The following MYRIP variants were observed in gnomAD, a reference collection of about 807,000 sequenced individuals.
The protein encoded by MYRIP is rab effector MyRIP.
Under a neutral mutation model 98.0 loss-of-function variants are expected in MYRIP, and 49 were observed. That is an observed-to-expected ratio of 0.50 (90% CI 0.40 to 0.63). MYRIP has a LOEUF of 0.63. Among genes scored for constraint, MYRIP ranks in the 30% least tolerant of loss-of-function variants. The probability of loss-of-function intolerance (pLI) is 0.00; values close to 1 mark genes in which losing one functional copy is unlikely to be tolerated. For synonymous variants in MYRIP, 404 were observed against 409.5 expected, an observed-to-expected ratio of 0.99 and a Z score of 0.16; for missense variants, 1,004 against 1,058.2, an observed-to-expected ratio of 0.95 and a Z score of 0.71.
At chr3:40,060,275 ACAG>A (rs1947979696) in intron 3 of MYRIP, among the ~76,000 whole-genome samples, 2 of 152,320 alleles carry the variant, frequency 1.3e-5, no homozygotes, top group Middle Eastern at 3.4e-3. Flanking sequence ...TTCAGAGAGG[ACAG>A]CAAGGCAGTG....
chr3:40,179,952 C>T (rs955898520), intron 8 of MYRIP, among the ~76,000 whole-genome samples: 1 of 152,226 alleles, frequency 6.6e-6, no homozygotes, highest in African/African-American at 2.4e-5. Context: ...TGACCACCAT[C>T]CTCAATCTCT....
chr3:39,872,382 A>C (rs1395955304), intron 1 of MYRIP, among the ~76,000 whole-genome samples: 1 of 151,930 alleles, frequency 6.6e-6, no homozygotes, highest in African/African-American at 2.4e-5. Context: ...ACATGTGCAC[A>C]ATGTGCAGGT....
Position 39,886,435 on chromosome 3 carries a change from A to C in MYRIP, c.-30-14352A>C, listed in dbSNP as rs573559376. On this transcript the variant is annotated intron_variant, in intron 1 of 16. Transcript: ENST00000302541. ...CAAGACCCATCAGTGTGCTGTATTC[A>C]GGAAACCCATCTCACGTGCAGAGAC... Among the ~76,000 whole-genome samples, 150 of 149,330 alleles carry C rather than the reference A, an allele frequency of 1.0e-3. 2 individuals carry two copies. Among genetic ancestry groups the C allele is most frequent in the African/African-American group, 3.6e-3 (147 of 40,848 alleles).
chr3:39,925,909 T>G (rs934365227), intron 2 of MYRIP, among the ~76,000 whole-genome samples: 1 of 152,142 alleles, frequency 6.6e-6, no homozygotes, highest in African/African-American at 2.4e-5. Context: ...ACCTCCAAAC[T>G]ACTTTCCACA....
At chr3:39,972,948 T>G (rs1379626406) in intron 2 of MYRIP, among the ~76,000 whole-genome samples, 3 of 151,954 alleles carry the variant, frequency 2.0e-5, no homozygotes, top group Non-Finnish European at 4.4e-5. Flanking sequence ...GTTTTGGAAG[T>G]AGAAATAATA....
At chr3:39,883,480 A>G (rs1349611037) in intron 1 of MYRIP, among the ~76,000 whole-genome samples, 1 of 152,150 alleles carries the variant, frequency 6.6e-6, no homozygotes, top group African/African-American at 2.4e-5. Context: ...ATACTGAGTT[A>G]TCAGACACAG....
intron 3 of MYRIP, among the ~76,000 whole-genome samples, chr3:40,077,065 C>A (rs548807277): frequency 7.2e-5 from 11 of 152,066 alleles, no homozygotes; most frequent in Admixed American, 2.0e-4. Context: ...CTTAAGGTGG[C>A]GCGTCTGGAG....
At chr3:40,125,133 G>A (rs773885303) in intron 3 of MYRIP, among the ~76,000 whole-genome samples, 12 of 152,208 alleles carry the variant, frequency 7.9e-5, no homozygotes, top group Non-Finnish European at 1.6e-4. Context: ...TCCAGTGGAG[G>A]CATGGGGCTT....
intron 2 of MYRIP, among the ~76,000 whole-genome samples, chr3:39,931,283 T>C (rs1250265373): frequency 6.6e-6 from 1 of 152,066 alleles, no homozygotes; most frequent in Non-Finnish European, 1.5e-5. Flanking sequence ...GTATTTTTTT[T>C]CTTTCAATAA....
intron 2 of MYRIP, among the ~76,000 whole-genome samples, chr3:39,996,678 T>C (rs112779556): frequency 0.1 from 15,306 of 152,018 alleles, 1,322 homozygotes; most frequent in African/African-American, 0.23. Flanking sequence ...CTGCACCAAG[T>C]GGACCTAATA....
At chr3:40,080,825 A>G (rs1416246584) in intron 3 of MYRIP, among the ~76,000 whole-genome samples, 1 of 70,792 alleles carries the variant, frequency 1.4e-5, no homozygotes, top group South Asian at 3.6e-4. Context: ...GCTTCCATCT[A>G]CTTTCTTTGG....
At chr3:40,199,630 C>A (rs1282434468) in intron 10 of MYRIP, among the ~76,000 whole-genome samples, 2 of 152,186 alleles carry the variant, frequency 1.3e-5, no homozygotes, top group Non-Finnish European at 2.9e-5. Flanking sequence ...GCCTTAAAAT[C>A]TACTCAGAAC....
rs1418582067 is a variant in MYRIP at position 39,933,934 on chromosome 3, GT to G, written c.110+33010del. On this transcript the variant is annotated intron_variant, in intron 2 of 16. Transcript: ENST00000302541. Reference sequence around the variant, plus strand: ...GTAGGCTTCTTTTATTACCTCAGTGGTTCTTAAAGGAAGGCTCCTAGAAAAC... The same window carrying G: ...GTAGGCTTCTTTTATTACCTCAGTGGTCTTAAAGGAAGGCTCCTAGAAAAC... Among the ~76,000 whole-genome samples, 7 of 152,260 alleles carry G rather than the reference GT, an allele frequency of 4.6e-5. No homozygotes were observed. The East Asian group carries it at 1.2e-3, about 25-fold the overall frequency.
intron 2 of MYRIP, among the ~76,000 whole-genome samples, chr3:40,007,146 T>C (rs1349127797): frequency 6.6e-6 from 1 of 152,202 alleles, no homozygotes; most frequent in East Asian, 1.9e-4. Flanking sequence ...TAGTCATCAG[T>C]GTCACTTGAA....
At chr3:39,874,703 G>A (rs1942922232) in intron 1 of MYRIP, among the ~76,000 whole-genome samples, 2 of 152,078 alleles carry the variant, frequency 1.3e-5, no homozygotes, top group Non-Finnish European at 2.9e-5. Flanking sequence ...ACTTTATCAT[G>A]GTGGATAAGC....
chr3:40,099,904 C>A, intron 3 of MYRIP: 1 of 812,220 alleles, frequency 1.2e-6, no homozygotes, highest in Non-Finnish European at 1.5e-6. Context: ...TTTAAATGAG[C>A]TTTGGTGCCT....
intron 11 of MYRIP, among the ~76,000 whole-genome samples, chr3:40,232,125 T>C (rs1952678694): frequency 6.6e-6 from 1 of 152,168 alleles, no homozygotes; most frequent in Non-Finnish European, 1.5e-5. Flanking sequence ...CTTCCCTCTA[T>C]CTCGTTCCCC....
At chr3:40,149,316 T>A (rs762014619) in intron 3 of MYRIP, among the ~76,000 whole-genome samples, 19 of 152,102 alleles carry the variant, frequency 1.2e-4, no homozygotes, top group South Asian at 1.2e-3. Context: ...ACTAATAGAG[T>A]GAGAACTCAT....
chr3:40,047,775 C>T (rs1356410323), intron 3 of MYRIP, among the ~76,000 whole-genome samples: 1 of 152,116 alleles, frequency 6.6e-6, no homozygotes, highest in East Asian at 1.9e-4. Context: ...TTCAAAGTAC[C>T]ACGGATGTAT....
Sources: allele counts gnomAD v4.1 joint callset (sites outside exome capture counted in the v4.1 genomes callset), GRCh38; gene constraint gnomAD v4.1.1; transcripts MANE v1.5; gene names NCBI Gene and HGNC (gene_info 2026-07-23, HGNC 2026-07-21).